Variants in ULK2 observed in about 807,000 individuals in gnomAD.
ULK2 encodes the protein unc-51 like autophagy activating kinase 2.
In ULK2, 76 loss-of-function variants were observed where a neutral mutation model predicts 127.5. The observed-to-expected ratio is 0.60, with a 90% confidence interval of 0.50 to 0.72. The LOEUF (loss-of-function observed/expected upper bound fraction) is 0.72, where lower values mean the gene tolerates loss of function less well. Among genes scored for constraint, ULK2 ranks in the 30% least tolerant of loss-of-function variants. The pLI, the probability that ULK2 is intolerant of heterozygous loss-of-function variation, is 0.00. For synonymous variants in ULK2, 452 were observed against 461.9 expected (o/e 0.98, Z 0.28); for missense variants, 1,144 against 1,295.9 (o/e 0.88, Z 1.80).
chr17:19,806,714 A>T (rs1245133729), intron 14 of ULK2, among the ~76,000 whole-genome samples: 1 of 152,220 alleles, frequency 6.6e-6, no homozygotes, highest in African/African-American at 2.4e-5. Flanking sequence ...AGTCCAAGTT[A>T]AGGAGAGGGA....
intron 14 of ULK2, among the ~76,000 whole-genome samples, chr17:19,807,878 A>C (rs1430292234): frequency 6.6e-6 from 1 of 152,260 alleles, no homozygotes; most frequent in Non-Finnish European, 1.5e-5. Context: ...AGGCTGAAGC[A>C]GGTGGATCAC....
intron 25 of ULK2, among the ~76,000 whole-genome samples, chr17:19,778,290 C>A (rs754465449): frequency 1.3e-5 from 2 of 152,204 alleles, no homozygotes; most frequent in African/African-American, 4.8e-5. Context: ...AAGGCACACA[C>A]GGTGTTACAG....
At chr17:19,798,697 AC>A (rs2087327519) in intron 17 of ULK2, among the ~76,000 whole-genome samples, 1 of 152,240 alleles carries the variant, frequency 6.6e-6, no homozygotes, top group Non-Finnish European at 1.5e-5. Flanking sequence ...TCTAAGTAAC[AC>A]AGGATTCCTT....
At position 19,814,450 on chromosome 17, in the gene ULK2, T is replaced by TG. The variant is rs1245288933; in HGVS notation, c.1096+2298_1096+2299insC. Among the ~76,000 whole-genome samples the TG allele has an allele frequency of 6.0e-3, 361 of 60,056 alleles. 9 individuals carry two copies. Among genetic ancestry groups the TG allele is most frequent in the East Asian group, 0.029 (81 of 2,770 alleles). The allele number at this position is 60,056 out of a possible 152,430, so 39.4% of individuals were successfully genotyped here. A position where few individuals can be genotyped will look rare whatever the true frequency, so the allele number is the denominator to read the frequency against. On this transcript the variant is annotated intron_variant, in intron 13 of 26. Coordinates refer to ENST00000395544, the MANE Select transcript of ULK2 (RefSeq NM_014683.4). ...TATATATATATATATTTTTTTTTTTTTTTTTTTTTTTTTGGAGACAGGGTC... is the reference window on the plus strand; with the variant it reads ...TATATATATATATATTTTTTTTTTTTGTTTTTTTTTTTTTGGAGACAGGGTC...
intron 12 of ULK2, among the ~76,000 whole-genome samples, chr17:19,822,327 A>T (rs576581584): frequency 3.9e-5 from 6 of 152,202 alleles, no homozygotes; most frequent in African/African-American, 1.4e-4. Context: ...AGACATAAAA[A>T]GGATATGTTT....
At position 19,796,108 on chromosome 17, in the gene ULK2, C is replaced by T. The variant is rs1302627302; in HGVS notation, c.1984G>A (p.Ala662Thr). 6 of 1,612,086 alleles carry T rather than the reference C, an allele frequency of 3.7e-6. No homozygotes were observed. In the South Asian group the frequency reaches 4.4e-5, roughly 12 times the overall value. Residue 662 changes from alanine to threonine, a missense_variant, in exon 19 of 27, where the codon GCA becomes ACA. By Grantham distance (58) the Ala-to-Thr change is moderately conservative (BLOSUM62 0). Transcript: ENST00000395544. Reference protein sequence around the residue: ...ERQRAEQQSKAVFGRSVSTGK... With the variant: ...ERQRAEQQSKTVFGRSVSTGK... Reference sequence around the variant, plus strand: ...ACAGTCTTTTACCTGCCAAACACTGCCTTGCTCTGCTGCTCGGCCCGCTGC... The same window carrying T: ...ACAGTCTTTTACCTGCCAAACACTGTCTTGCTCTGCTGCTCGGCCCGCTGC...
intron 5 of ULK2, among the ~76,000 whole-genome samples, chr17:19,848,733 C>T (rs2041951413): frequency 6.6e-6 from 1 of 151,688 alleles, no homozygotes; most frequent in African/African-American, 2.4e-5. Flanking sequence ...GCCAAGAATG[C>T]ACCACTGCAC....
intron 25 of ULK2, among the ~76,000 whole-genome samples, chr17:19,779,630 T>C (rs1015397145): frequency 6.6e-6 from 1 of 151,906 alleles, no homozygotes; most frequent in Non-Finnish European, 1.5e-5. Flanking sequence ...TTTTTATTTA[T>C]ACTTTAGAGT....
intron 12 of ULK2, among the ~76,000 whole-genome samples, chr17:19,821,465 G>A (rs1437099819): frequency 2.6e-5 from 4 of 152,122 alleles, no homozygotes; most frequent in Admixed American, 1.3e-4. Flanking sequence ...TAAAATAGCA[G>A]CTAGATATTT....
intron 20 of ULK2, 115 bp from the exon 21 acceptor site, chr17:19,786,201 T>A: frequency 1.1e-6 from 1 of 899,446 alleles, no homozygotes; most frequent in Non-Finnish European, 1.6e-6. Context: ...TTTTTTTTTT[T>A]CCCTCTTCTT....
At chr17:19,843,347 G>C in intron 7 of ULK2, 125 bp from the exon 8 acceptor site, 1 of 553,922 alleles carries the variant, frequency 1.8e-6, no homozygotes, top group Non-Finnish European at 3.1e-6. Context: ...CCCTGTGATA[G>C]TTCTCTAATC....
At chr17:19,865,387 C>G (rs1469173614) in intron 2 of ULK2, among the ~76,000 whole-genome samples, 1 of 152,148 alleles carries the variant, frequency 6.6e-6, no homozygotes, top group Non-Finnish European at 1.5e-5. Flanking sequence ...AGCACCCCTA[C>G]TCCCCCCAAA....
intron 12 of ULK2, among the ~76,000 whole-genome samples, chr17:19,820,349 G>A (rs1422758282): frequency 1.3e-5 from 2 of 151,976 alleles, no homozygotes; most frequent in Non-Finnish European, 2.9e-5. Flanking sequence ...GTCCGGCCTA[G>A]CTCACTACAA....
intron 12 of ULK2, among the ~76,000 whole-genome samples, chr17:19,820,547 T>A (rs768029870): frequency 2.8e-4 from 43 of 152,200 alleles, no homozygotes; most frequent in Admixed American, 4.6e-4. Flanking sequence ...CTATCCACTA[T>A]GGGAGCTACC....
chr17:19,809,873 C>T (rs1216950354), intron 14 of ULK2, among the ~76,000 whole-genome samples: 1 of 151,806 alleles, frequency 6.6e-6, no homozygotes, highest in East Asian at 1.9e-4. Context: ...CCAATGCACT[C>T]CAGCCTGGGC....
intron 12 of ULK2, among the ~76,000 whole-genome samples, chr17:19,822,290 T>C (rs1220094857): frequency 6.6e-6 from 1 of 152,122 alleles, no homozygotes; most frequent in Non-Finnish European, 1.5e-5. Flanking sequence ...TGGCCCAACC[T>C]TACTTTTTAA....
intron 8 of ULK2, among the ~76,000 whole-genome samples, chr17:19,841,838 T>C (rs2041765437): frequency 6.6e-6 from 1 of 152,228 alleles, no homozygotes; most frequent in African/African-American, 2.4e-5. Flanking sequence ...GTGAAAATTC[T>C]GTACATCTGA....
intron 3 of ULK2, 80 bp downstream of exon 3, chr17:19,864,723 T>C (rs2042316722): frequency 1.9e-6 from 1 of 518,844 alleles, no homozygotes; most frequent in Non-Finnish European, 3.0e-6. Flanking sequence ...GTCATTTTTA[T>C]TTCTATTAAG....
chr17:19,855,264 C>T (rs2042100406), intron 3 of ULK2, among the ~76,000 whole-genome samples: 1 of 151,938 alleles, frequency 6.6e-6, no homozygotes. Context: ...ATTAGCCAGG[C>T]ATGGTGGCGG....
Sources: allele counts gnomAD v4.1 joint callset (sites outside exome capture counted in the v4.1 genomes callset), GRCh38; gene constraint gnomAD v4.1.1; transcripts MANE v1.5; gene names NCBI Gene and HGNC (gene_info 2026-07-23, HGNC 2026-07-21).